TECPR2: variants seen among roughly 807,000 people sequenced by gnomAD.
The protein encoded by TECPR2 is tectonin beta-propeller repeat containing 2.
Under a neutral mutation model 138.1 loss-of-function variants are expected in TECPR2, and 65 were observed. That is an observed-to-expected ratio of 0.47 (90% CI 0.39 to 0.58). TECPR2 has a LOEUF of 0.58. Among genes scored for constraint, TECPR2 ranks in the 20% least tolerant of loss-of-function variants. The pLI, the probability that TECPR2 is intolerant of heterozygous loss-of-function variation, is 0.00. For synonymous variants in TECPR2, 746 were observed against 749.8 expected (o/e 0.99, Z 0.08); for missense variants, 1,553 against 1,824.5 (o/e 0.85, Z 2.71).
chr14:102,403,495 G>C (rs1224856055), intron 2 of TECPR2, among the ~76,000 whole-genome samples: 1 of 152,164 alleles, frequency 6.6e-6, no homozygotes, highest in Non-Finnish European at 1.5e-5. Flanking sequence ...TGTCACTTCA[G>C]TTCAACACAG....
chr14:102,442,521 T>C (rs548860532), intron 11 of TECPR2, among the ~76,000 whole-genome samples: 9 of 152,222 alleles, frequency 5.9e-5, no homozygotes, highest in Non-Finnish European at 1.3e-4. Flanking sequence ...GCTTTGGTCA[T>C]GGGGAAGACA....
chr14:102,496,849 C>G (rs1891294246), intron 17 of TECPR2, 130 bp from the exon 18 acceptor site: 10 of 1,396,892 alleles, frequency 7.2e-6, no homozygotes, highest in South Asian at 4.0e-5. Context: ...GACGTGGCCT[C>G]TCTGCCTCCT....
intron 16 of TECPR2, among the ~76,000 whole-genome samples, chr14:102,458,966 C>CACATATATATATAT (rs1260702159): frequency 2.2e-4 from 31 of 138,360 alleles, no homozygotes; most frequent in African/African-American, 8.3e-4. Flanking sequence ...AAAATACACA[C>CACATATATATATAT]ATATATATAT....
At position 102,436,585 on chromosome 14, in the gene TECPR2, G is replaced by A. The variant is rs146482729; in HGVS notation, c.2394+1374G>A. ...TCTGCCTGCCTCGGCTTCCCAAAGT[G>A]CTGGGATTACAGGTGTGAGCTGCTG... On this transcript the variant is annotated intron_variant, in intron 9 of 19. Coordinates refer to ENST00000359520, the MANE Select transcript of TECPR2 (RefSeq NM_014844.5). Among the ~76,000 whole-genome samples, 10 of 152,344 alleles carry A rather than the reference G, an allele frequency of 6.6e-5. No homozygotes were observed. In the East Asian group the frequency reaches 1.9e-3, roughly 29 times the overall value.
intron 6 of TECPR2, among the ~76,000 whole-genome samples, 153 bp from the exon 7 acceptor site, chr14:102,428,097 T>C (rs1889373053): frequency 6.6e-6 from 1 of 152,148 alleles, no homozygotes; most frequent in Non-Finnish European, 1.5e-5. Context: ...TACCTAACTT[T>C]GGATTGAATT....
intron 10 of TECPR2, 59 bp downstream of exon 10, chr14:102,438,264 G>GCCGCTCCTGCTCCCCGC (rs1567342109): frequency 6.5e-7 from 1 of 1,544,918 alleles, no homozygotes; most frequent in African/African-American, 1.4e-5. Flanking sequence ...CCTGCTCCCC[G>GCCGCTCCTGCTCCCCGC]CCCCCGGGGT....
intron 17 of TECPR2, among the ~76,000 whole-genome samples, chr14:102,486,926 A>G (rs1891040048): frequency 6.6e-6 from 1 of 152,176 alleles, no homozygotes; most frequent in African/African-American, 2.4e-5. Flanking sequence ...AAAGAACTAG[A>G]AAGACCAAAC....
intron 17 of TECPR2, among the ~76,000 whole-genome samples, chr14:102,490,243 C>T (rs955672073): frequency 2.6e-5 from 4 of 152,214 alleles, no homozygotes; most frequent in Non-Finnish European, 5.9e-5. Flanking sequence ...AATCGGTTTG[C>T]TCCAGAGGAA....
intron 2 of TECPR2, among the ~76,000 whole-genome samples, chr14:102,380,979 G>GTTT (rs566340573): frequency 7.5e-6 from 1 of 133,942 alleles, no homozygotes; most frequent in Non-Finnish European, 1.6e-5. Context: ...CACCAAGCTT[G>GTTT]TTTTTTTTTT....
intron 17 of TECPR2, among the ~76,000 whole-genome samples, chr14:102,470,176 T>TCGAA (rs1178800931): frequency 7.2e-5 from 11 of 152,188 alleles, no homozygotes; most frequent in African/African-American, 1.9e-4. Flanking sequence ...GGTTTTATTT[T>TCGAA]TTACACCCCA....
chr14:102,384,417 G>A (rs1293618540), intron 2 of TECPR2, among the ~76,000 whole-genome samples: 1 of 151,210 alleles, frequency 6.6e-6, no homozygotes, highest in East Asian at 2.0e-4. Context: ...GGTGGCTCAG[G>A]CCTGTAATCC....
chr14:102,390,151 G>A (rs1310823025), intron 2 of TECPR2, among the ~76,000 whole-genome samples: 1 of 152,164 alleles, frequency 6.6e-6, no homozygotes, highest in East Asian at 1.9e-4. Flanking sequence ...CCATGAACCT[G>A]CTCACAAAGA....
chr14:102,440,714 G>A, intron 11 of TECPR2, 105 bp downstream of exon 11: 1 of 1,355,594 alleles, frequency 7.4e-7, no homozygotes, highest in Non-Finnish European at 9.9e-7. Flanking sequence ...TGATTAAGAG[G>A]CTAAATCCAT....
chr14:102,487,128 A>C (rs1009577649), intron 17 of TECPR2, among the ~76,000 whole-genome samples: 1 of 152,168 alleles, frequency 6.6e-6, no homozygotes, highest in Non-Finnish European at 1.5e-5. Flanking sequence ...GGAGGGAGAG[A>C]GACTTGGAGG....
intron 6 of TECPR2, among the ~76,000 whole-genome samples, chr14:102,427,194 T>C (rs964445544): frequency 4.6e-5 from 7 of 152,248 alleles, no homozygotes; most frequent in African/African-American, 1.7e-4. Context: ...TTGCACCCTT[T>C]CCTCAGTTAC....
chr14:102,475,492 C>T lies in TECPR2; in HGVS notation c.3789+10203C>T, dbSNP rs571651478. 4.6e-5 allele frequency among the ~76,000 whole-genome samples: 7 copies of T among 152,148 alleles called. No individual in the cohort carries two copies. In the South Asian group the frequency reaches 1.5e-3, roughly 32 times the overall value. ...CTTCTGCTGGACAGATCACATGCAC[C>T]CATAAGTAGGTCAGATGCCCAGGAG... On this transcript the variant is annotated intron_variant, in intron 17 of 19. Coordinates refer to ENST00000359520, the MANE Select transcript of TECPR2 (RefSeq NM_014844.5).
intron 5 of TECPR2, 88 bp downstream of exon 5, chr14:102,414,881 G>C: frequency 6.6e-7 from 1 of 1,516,264 alleles, no homozygotes; most frequent in African/African-American, 1.4e-5. Context: ...CCTGTTTGCC[G>C]GAGACCTCCT....
chr14:102,370,117 G>C (rs1374644344), intron 1 of TECPR2, among the ~76,000 whole-genome samples: 2 of 151,940 alleles, frequency 1.3e-5, no homozygotes, highest in Non-Finnish European at 2.9e-5. Flanking sequence ...TGTTGCCCAG[G>C]CTGGAGTGCA....
chr14:102,381,974 A>G (rs557151243), intron 2 of TECPR2, among the ~76,000 whole-genome samples: 5 of 152,348 alleles, frequency 3.3e-5, no homozygotes, highest in African/African-American at 1.2e-4. Context: ...GAAGAGGTAC[A>G]ATATTGATTC....
Sources: allele counts gnomAD v4.1 joint callset (sites outside exome capture counted in the v4.1 genomes callset), GRCh38; gene constraint gnomAD v4.1.1; transcripts MANE v1.5; gene names NCBI Gene and HGNC (gene_info 2026-07-23, HGNC 2026-07-21).